IDH3A: variants seen among roughly 807,000 people sequenced by gnomAD.
IDH3A encodes isocitrate dehydrogenase [NAD] subunit alpha, mitochondrial.
A neutral mutation model predicts 43.3 loss-of-function variants in IDH3A; 23 were observed. That is an observed-to-expected ratio of 0.53 (90% CI 0.38 to 0.75). The LOEUF (loss-of-function observed/expected upper bound fraction) is 0.75. Among genes scored for constraint, IDH3A ranks in the 30% least tolerant of loss-of-function variants. The probability of loss-of-function intolerance (pLI) is 0.00; values close to 1 mark genes in which losing one functional copy is unlikely to be tolerated. For missense variants in IDH3A, 329 were observed against 474.4 expected, an observed-to-expected ratio of 0.69 and a Z score of 2.85; for synonymous variants, 154 against 163.5, an observed-to-expected ratio of 0.94 and a Z score of 0.44.
intron 9 of IDH3A, 76 bp downstream of exon 9, chr15:78,165,152 A>G (rs2074725173): frequency 3.5e-6 from 3 of 851,954 alleles, no homozygotes; most frequent in African/African-American, 1.7e-5. Flanking sequence ...CTGTATAAGT[A>G]TGCTTTAACT....
In IDH3A at chr15:78,171,795, T is replaced by A. The variant is rs1389254539; in HGVS notation, c.*2790T>A. The A allele has an allele frequency of 6.5e-6, 2 of 307,594 alleles. No individual in the cohort carries two copies. Among genetic ancestry groups the A allele is most frequent in the East Asian group, 6.1e-5 (1 of 16,392 alleles). The allele number at this position is 307,594 out of a possible 1,614,324, so 19.1% of individuals were successfully genotyped here. ...ACCTCTGAGAATAGGTTATAAAAGATCAGTTTCTTTTATACACATAGGAAA... is the reference window on the plus strand; with the variant it reads ...ACCTCTGAGAATAGGTTATAAAAGAACAGTTTCTTTTATACACATAGGAAA... On this transcript the variant is annotated 3_prime_UTR_variant, in exon 11 of 11. Coordinates refer to ENST00000299518, the MANE Select transcript of IDH3A (RefSeq NM_005530.3).
intron 1 of IDH3A, chr15:78,154,914 T>G (rs1351242520): frequency 2.5e-5 from 6 of 237,940 alleles, no homozygotes; most frequent in Admixed American, 2.2e-4. Context: ...AATCTGTATG[T>G]TGAGCTGAAA....
At position 78,161,949 on chromosome 15, in the gene IDH3A, A is replaced by G. The variant is rs1003239839; in HGVS notation, c.477+181A>G. On this transcript the variant is annotated intron_variant, in intron 5 of 10. Coordinates refer to ENST00000299518, the MANE Select transcript of IDH3A (RefSeq NM_005530.3). This position sits in a 1 kb window ranked among gnomAD's most constrained non-coding sequence, Gnocchi z 4.8. ...TGGTGGTTCGCGTCACAAGCTTGGG[A>G]ATATGCCCTCTGAATTTTGAATCCC... is the stretch of plus-strand genomic sequence containing the variant. Among the ~76,000 whole-genome samples the G allele has an allele frequency of 2.0e-5, 3 of 151,968 alleles. No individual in the cohort carries two copies. Among genetic ancestry groups the G allele is most frequent in the Admixed American group, 6.6e-5 (1 of 15,260 alleles).
At chr15:78,149,699 C>T (rs1481518418) in intron 1 of IDH3A, among the ~76,000 whole-genome samples, 1 of 152,204 alleles carries the variant, frequency 6.6e-6, no homozygotes, top group African/African-American at 2.4e-5. Flanking sequence ...CTGCTCCTGC[C>T]GAGACCCGGC....
rs1355001842 is a variant in IDH3A at position 78,166,293 on chromosome 15, G to A, written c.1008G>A (p.Lys336=). ...AGGCTGCGTGTTTTGCTACAATTAA[G>A]GACGGAAAGGTAACAGGAATCTTGA... ...RIEAACFATI[K]DGKSLTKDLG... is the part of the protein sequence containing the mutation. The change falls in exon 10 of 11, where the codon AAG becomes AAA. Residue 336 remains lysine (K), a synonymous_variant. Transcript: ENST00000299518. 1 of 1,614,114 alleles carries A rather than the reference G, an allele frequency of 6.2e-7. No homozygotes were observed. Among genetic ancestry groups the A allele is most frequent in the South Asian group, 1.1e-5 (1 of 91,074 alleles).
chr15:78,149,536 G>A, intron 1 of IDH3A, 106 bp downstream of exon 1: 3 of 970,638 alleles, frequency 3.1e-6, no homozygotes, highest in Non-Finnish European at 4.4e-6. Context: ...AGACAGGGAG[G>A]CGGTGGCTGC....
At chr15:78,168,015 G>C (rs1181076800) in intron 10 of IDH3A, 1 of 152,094 alleles carries the variant, frequency 6.6e-6, no homozygotes, top group East Asian at 1.9e-4. Flanking sequence ...TTATTGTGTA[G>C]GATGGAAAGA....
At position 78,149,362 on chromosome 15, in the gene IDH3A, A is replaced by C. The variant is rs1286144583; in HGVS notation, c.-42A>C. 14 of 1,515,116 alleles carry C rather than the reference A, an allele frequency of 9.2e-6. No homozygotes were observed. In the African/African-American group the frequency reaches 1.9e-4, roughly 20 times the overall value. The allele number at this position is 1,515,116 out of a possible 1,614,324, so 93.9% of individuals were successfully genotyped here. ...CCGAGCGTGGGGTGGGCGCTTGCGCACTGCCGCTGCGGCTGTTGCTGCGGA... is the reference window on the plus strand; with the variant it reads ...CCGAGCGTGGGGTGGGCGCTTGCGCCCTGCCGCTGCGGCTGTTGCTGCGGA... On this transcript the variant is annotated 5_prime_UTR_variant, in exon 1 of 11. Transcript: ENST00000299518.
intron 8 of IDH3A, among the ~76,000 whole-genome samples, chr15:78,164,409 G>A (rs112155448): frequency 2.0e-5 from 3 of 149,762 alleles, no homozygotes; most frequent in Non-Finnish European, 4.4e-5. Context: ...CTGGAGTGCA[G>A]TGGCACAATC....
rs969711536 is a variant in IDH3A at position 78,161,720 on chromosome 15, G to T, written c.429G>T (p.Val143=). The T allele has an allele frequency of 1.2e-5, 20 of 1,614,116 alleles. No individual in the cohort carries two copies. Among genetic ancestry groups the T allele is most frequent in the Non-Finnish European group, 1.6e-5 (19 of 1,180,000 alleles). ...YKTPYTDVNI[V]TIRENTEGEY... is the part of the protein sequence containing the mutation. ...CCCCTTACACCGATGTAAATATTGT[G>T]ACCATTCGAGAGAACACAGAAGGAG... is the stretch of plus-strand genomic sequence containing the variant. Residue 143 remains valine (V), a synonymous_variant, in exon 5 of 11, where the codon GTG becomes GTT. Coordinates refer to ENST00000299518, the MANE Select transcript of IDH3A (RefSeq NM_005530.3). This position sits in a 1 kb window ranked among gnomAD's most constrained non-coding sequence, Gnocchi z 4.8.
intron 10 of IDH3A, among the ~76,000 whole-genome samples, chr15:78,167,020 G>A (rs1428676575): frequency 2.0e-5 from 3 of 152,202 alleles, no homozygotes; most frequent in African/African-American, 4.8e-5. Context: ...GTAAAATGAT[G>A]AATAGGGTAA....
At chr15:78,153,745 G>T (rs1424769849) in intron 1 of IDH3A, among the ~76,000 whole-genome samples, 1 of 152,226 alleles carries the variant, frequency 6.6e-6, no homozygotes, top group Non-Finnish European at 1.5e-5. Flanking sequence ...GCAGCCGGGT[G>T]TGGTGGCTCA....
At chr15:78,165,356 TA>T (rs2141301722) in intron 9 of IDH3A, among the ~76,000 whole-genome samples, 1 of 152,112 alleles carries the variant, frequency 6.6e-6, no homozygotes, top group South Asian at 2.1e-4. Context: ...CACACCTGGC[TA>T]ATTTTTGTAT....
Position 78,171,588 on chromosome 15 carries a change from G to A in IDH3A, c.*2583G>A, listed in dbSNP as rs1029964026. 2.2e-5 allele frequency: 31 copies of A among 1,414,284 alleles called. No homozygotes were observed. The highest frequency in any genetic ancestry group is 3.0e-5 in the Non-Finnish European group (30 of 999,884). 87.6% of individuals were successfully genotyped at this position (1,414,284 alleles called of 1,614,324 possible). A position where few individuals can be genotyped will look rare whatever the true frequency, so the allele number is the denominator to read the frequency against. On this transcript the variant is annotated 3_prime_UTR_variant, in exon 11 of 11. Transcript: ENST00000299518. Reference sequence around the variant, plus strand: ...CAGGCTCTGAGAACTCTGAGAATGTGTGTGGTAAAGACTCACACTCAGTCC... The same window carrying A: ...CAGGCTCTGAGAACTCTGAGAATGTATGTGGTAAAGACTCACACTCAGTCC...
chr15:78,157,601 T>A lies in IDH3A; in HGVS notation c.144T>A (p.Ala48=). The A allele has an allele frequency of 1.2e-6, 2 of 1,613,100 alleles. No individual in the cohort carries two copies. Among genetic ancestry groups the A allele is most frequent in the South Asian group, 1.1e-5 (1 of 90,964 alleles). ...PGDGIGPEIS[A]AVMKIFDAAK... is the part of the protein sequence containing the mutation. ...ATGGTATTGGCCCAGAAATTTCAGCTGCAGTTATGAAGATTTTTGATGCTG... is the reference window on the plus strand; with the variant it reads ...ATGGTATTGGCCCAGAAATTTCAGCAGCAGTTATGAAGATTTTTGATGCTG... Residue 48 remains alanine, a synonymous_variant, in exon 3 of 11, where the codon GCT becomes GCA. Coordinates refer to ENST00000299518, the MANE Select transcript of IDH3A (RefSeq NM_005530.3).
chr15:78,168,247 C>A (rs1383190453), intron 10 of IDH3A: 1 of 137,430 alleles, frequency 7.3e-6, no homozygotes, highest in East Asian at 1.9e-4. Flanking sequence ...CATAGTGAGA[C>A]CCCGTCTCTT....
At position 78,162,365 on chromosome 15, in the gene IDH3A, C is replaced by T. The variant is rs762956149; in HGVS notation, c.609C>T (p.Ile203=). The change falls in exon 6 of 11, where the codon ATC becomes ATT. Residue 203 remains isoleucine (I), a splice_region_variant and synonymous_variant. Transcript: ENST00000299518. ...TCACGGCGGTGCACAAAGCCAACAT[C>T]ATGTGAGCTCCTTGCGGGGGCCGGC... is the stretch of plus-strand genomic sequence containing the variant. ...SNVTAVHKAN[I]MRMSDGLFLQ... is the part of the protein sequence containing the mutation. 64 of 1,613,718 alleles carry T rather than the reference C, an allele frequency of 4.0e-5. No individual in the cohort carries two copies. Among genetic ancestry groups the T allele is most frequent in the Admixed American group, 1.0e-4 (6 of 59,986 alleles).
Position 78,168,983 on chromosome 15 carries a change from G to A in IDH3A, c.1079G>A (p.Arg360His), listed in dbSNP as rs769406487. 20 of 1,599,266 alleles carry A rather than the reference G, an allele frequency of 1.3e-5. No individual in the cohort carries two copies. Among genetic ancestry groups the A allele is most frequent in the Admixed American group, 6.7e-5 (4 of 59,824 alleles). ...TCAGACTTCACAGAGGAAATCTGTC[G>A]CCGAGTAAAAGATTTAGATTAACAC... ...KCSDFTEEIC[R>H]RVKDLD Residue 360 changes from arginine to histidine, a missense_variant, in exon 11 of 11, where the codon CGC becomes CAC. Coordinates refer to ENST00000299518, the MANE Select transcript of IDH3A (RefSeq NM_005530.3).
intron 2 of IDH3A, 101 bp from the exon 3 acceptor site, chr15:78,157,447 T>C: frequency 1.2e-6 from 1 of 817,316 alleles, no homozygotes. Context: ...TGAATCTTCC[T>C]GAGACATCTC....
Sources: gnomAD v4.1 joint callset for allele counts (sites outside exome capture counted in the v4.1 genomes callset) on GRCh38, gnomAD v4.1.1 for gene constraint, Gnocchi (gnomAD v3.1) non-coding constraint, MANE v1.5 for transcripts, NCBI Gene and HGNC (gene_info 2026-07-23, HGNC 2026-07-21) for gene names.